The following PRKACB variants were observed in gnomAD, a reference collection of about 807,000 sequenced individuals.
PRKACB encodes protein kinase cAMP-activated catalytic subunit beta, also known as cAMP-dependent protein kinase catalytic subunit beta.
A neutral mutation model predicts 51.4 loss-of-function variants in PRKACB; 16 were observed. That is an observed-to-expected ratio of 0.31 (90% confidence interval 0.21 to 0.47). The LOEUF is 0.47. Among genes scored for constraint, PRKACB ranks in the 20% least tolerant of loss-of-function variants. PRKACB has a pLI of 1.00. For synonymous variants in PRKACB, 147 were observed against 154.4 expected (o/e 0.95, Z 0.35); for missense variants, 309 against 464.5 (o/e 0.67, Z 3.08).
intron 1 of PRKACB, among the ~76,000 whole-genome samples, chr1:84,086,995 A>G (rs1648061310): frequency 6.6e-6 from 1 of 152,262 alleles, no homozygotes. Flanking sequence ...GAATCACTGT[A>G]CTGATCTTTG....
intron 1 of PRKACB, among the ~76,000 whole-genome samples, chr1:84,126,196 G>A (rs971047455): frequency 6.6e-6 from 1 of 152,178 alleles, no homozygotes; most frequent in African/African-American, 2.4e-5. Flanking sequence ...CAGATCAGTG[G>A]AGGGTCAGGG....
At chr1:84,179,299 T>C (rs958453565) in intron 2 of PRKACB, 61 bp downstream of exon 2, 15 of 1,461,538 alleles carry the variant, frequency 1.0e-5, no homozygotes, top group Non-Finnish European at 1.4e-5. Flanking sequence ...TCAGGATTCT[T>C]GCCTAAGAAA....
In PRKACB at chr1:84,235,562, C is replaced by A; in HGVS notation, c.*257C>A. The A allele has an allele frequency of 2.6e-6, 1 of 390,000 alleles. No homozygotes were observed. The highest frequency in any genetic ancestry group is 4.1e-5 in the South Asian group (1 of 24,432). 24.2% of individuals were successfully genotyped at this position (390,000 alleles called of 1,614,324 possible). A position where few individuals can be genotyped will look rare whatever the true frequency, so the allele number is the denominator to read the frequency against. Reference sequence around the variant, plus strand: ...CTTCTCTTTGGGTTGTCTTTCTCCTCTCCTATATCCATTTCTTCCTTTTCC... The same window carrying A: ...CTTCTCTTTGGGTTGTCTTTCTCCTATCCTATATCCATTTCTTCCTTTTCC... On this transcript the variant is annotated 3_prime_UTR_variant, in exon 10 of 10. Transcript: ENST00000370685.
chr1:84,233,239 G>A (rs1165763068), intron 9 of PRKACB, among the ~76,000 whole-genome samples: 3 of 152,112 alleles, frequency 2.0e-5, no homozygotes, highest in Non-Finnish European at 4.4e-5. Flanking sequence ...TTGAATATTG[G>A]CACCCACTCT....
Position 84,235,423 on chromosome 1 carries a change from A to G in PRKACB, c.*118A>G. ...CCTAGTTCCTTCATTCCAACGACTG[A>G]GTGAGGTCTTTATTGCCATCATCCC... On this transcript the variant is annotated 3_prime_UTR_variant, in exon 10 of 10. Transcript: ENST00000370685. 2 of 1,363,110 alleles carry G rather than the reference A, an allele frequency of 1.5e-6. No homozygotes were observed. Among genetic ancestry groups the G allele is most frequent in the Non-Finnish European group, 2.0e-6 (2 of 984,840 alleles). 84.4% of individuals were successfully genotyped at this position (1,363,110 alleles called of 1,614,324 possible). A position where few individuals can be genotyped will look rare whatever the true frequency, so the allele number is the denominator to read the frequency against.
At chr1:84,199,613 A>G (rs770650698) in intron 7 of PRKACB, among the ~76,000 whole-genome samples, 2 of 152,138 alleles carry the variant, frequency 1.3e-5, no homozygotes, top group African/African-American at 4.8e-5. Context: ...CAATGAATAA[A>G]CAAATGCATG....
intron 8 of PRKACB, among the ~76,000 whole-genome samples, chr1:84,206,681 TGC>T (rs1671389208): frequency 6.6e-6 from 1 of 152,200 alleles, no homozygotes; most frequent in Non-Finnish European, 1.5e-5. Flanking sequence ...GCCTAGCACA[TGC>T]CAAAATCCCA....
intron 1 of PRKACB, among the ~76,000 whole-genome samples, chr1:84,134,615 A>AG (rs1240294938): frequency 7.9e-6 from 1 of 126,576 alleles, no homozygotes; most frequent in Non-Finnish European, 1.9e-5. Context: ...TTAAGAGATA[A>AG]GATTAAATAG....
intron 1 of PRKACB, among the ~76,000 whole-genome samples, chr1:84,105,542 CATTTATTTATTTATTTATTT>C (rs66546945): frequency 0.46 from 67,280 of 145,498 alleles, 16,401 homozygotes; most frequent in Non-Finnish European, 0.56. Flanking sequence ...CCACTGTTAG[CATTTATTTATTTATTTATTT>C]ATTTATTTAT....
chr1:84,084,145 A>G (rs1351074626), intron 1 of PRKACB, among the ~76,000 whole-genome samples: 1 of 152,238 alleles, frequency 6.6e-6, no homozygotes, highest in Non-Finnish European at 1.5e-5. Context: ...GAGTTGAACC[A>G]TGACTTGAGC....
intron 2 of PRKACB, among the ~76,000 whole-genome samples, chr1:84,180,277 T>C (rs1662967324): frequency 1.4e-5 from 2 of 143,682 alleles, no homozygotes; most frequent in Non-Finnish European, 3.0e-5. Flanking sequence ...CTAGATGAGA[T>C]TGGAGACTAT....
chr1:84,135,667 T>C (rs979608602), intron 1 of PRKACB, among the ~76,000 whole-genome samples: 2 of 152,056 alleles, frequency 1.3e-5, no homozygotes, highest in Admixed American at 6.6e-5. Context: ...AAATAACACA[T>C]GGGTCAAAGA....
upstream of PRKACB, chr1:84,078,129 T>TGCC (rs1647236273): frequency 8.0e-6 from 4 of 500,648 alleles, no homozygotes. Flanking sequence ...CCGCTGCTGC[T>TGCC]GCCGGTGCTA....
chr1:84,180,069 C>T (rs116631466), intron 2 of PRKACB, among the ~76,000 whole-genome samples: 1,571 of 142,832 alleles, frequency 0.011, 39 homozygotes, highest in African/African-American at 0.039. Flanking sequence ...AAAAAGAGGT[C>T]GTTATTTGAA....
At chr1:84,218,384 G>C (rs1673181023) in intron 9 of PRKACB, among the ~76,000 whole-genome samples, 1 of 152,070 alleles carries the variant, frequency 6.6e-6, no homozygotes, top group African/African-American at 2.4e-5. Flanking sequence ...AACTTTTTTA[G>C]GTTCCACATG....
intron 5 of PRKACB, among the ~76,000 whole-genome samples, chr1:84,186,535 G>A (rs1435804921): frequency 6.6e-6 from 1 of 151,966 alleles, no homozygotes; most frequent in African/African-American, 2.4e-5. Flanking sequence ...CTTGGAGCAG[G>A]TGCTGTGTGC....
intron 1 of PRKACB, among the ~76,000 whole-genome samples, chr1:84,106,480 G>A (rs776066154): frequency 9.9e-5 from 15 of 152,050 alleles, no homozygotes; most frequent in South Asian, 4.1e-4. Flanking sequence ...GCTGAGAGCC[G>A]AATCAGGAAT....
At position 84,236,450 on chromosome 1, in the gene PRKACB, T is replaced by G. The variant is rs1676670318; in HGVS notation, c.*1145T>G. 1 of 152,740 alleles carries G rather than the reference T, an allele frequency of 6.5e-6. No homozygotes were observed. The highest frequency in any genetic ancestry group is 1.9e-4 in the East Asian group (1 of 5,176). 9.5% of individuals were successfully genotyped at this position (152,740 alleles called of 1,614,324 possible). A position where few individuals can be genotyped will look rare whatever the true frequency, so the allele number is the denominator to read the frequency against. ...TGTGAGCCTAGGGTAGGGGCACTGCTGCAACTTCTGCTTTCATCCCATGCC... is the reference window on the plus strand; with the variant it reads ...TGTGAGCCTAGGGTAGGGGCACTGCGGCAACTTCTGCTTTCATCCCATGCC... On this transcript the variant is annotated 3_prime_UTR_variant, in exon 10 of 10. Coordinates refer to ENST00000370685, the MANE Select transcript of PRKACB (RefSeq NM_182948.4).
intron 9 of PRKACB, among the ~76,000 whole-genome samples, chr1:84,221,595 C>A (rs372503291): frequency 6.2e-4 from 94 of 151,952 alleles, no homozygotes; most frequent in African/African-American, 2.1e-3. Context: ...CACTGCTTTT[C>A]TTATATTCCA....
Sources: allele counts gnomAD v4.1 joint callset (sites outside exome capture counted in the v4.1 genomes callset), GRCh38; gene constraint gnomAD v4.1.1; transcripts MANE v1.5; gene names NCBI Gene and HGNC (gene_info 2026-07-23, HGNC 2026-07-21).